The following ERI3 variants were observed in gnomAD, a reference collection of about 807,000 sequenced individuals.
ERI3 encodes ERI1 exoribonuclease family member 3.
ERI3 carries 18 observed loss-of-function variants against 44.4 expected under a neutral mutation model. That is an observed-to-expected ratio of 0.41 (90% CI 0.28 to 0.60). The LOEUF is 0.60. Among genes scored for constraint, ERI3 ranks in the 20% least tolerant of loss-of-function variants. ERI3 has a pLI of 0.36. For missense variants in ERI3, 294 were observed against 435.5 expected, an observed-to-expected ratio of 0.68 and a Z score of 2.89; for synonymous variants, 183 against 164.8, an observed-to-expected ratio of 1.11 and a Z score of -0.84.
intron 8 of ERI3, among the ~76,000 whole-genome samples, chr1:44,229,478 C>G (rs1042290002): frequency 2.0e-5 from 3 of 152,166 alleles, no homozygotes; most frequent in Admixed American, 2.0e-4. Flanking sequence ...CATCAAGGAC[C>G]CCAGCCGCTG....
chr1:44,329,656 A>G (rs1376295577), intron 3 of ERI3, among the ~76,000 whole-genome samples: 1 of 152,152 alleles, frequency 6.6e-6, no homozygotes, highest in Non-Finnish European at 1.5e-5. Flanking sequence ...CTATCTACCT[A>G]ACCATCACTA....
intron 8 of ERI3, chr1:44,243,468 A>G (rs372414279): frequency 2.0e-5 from 3 of 152,334 alleles, no homozygotes; most frequent in African/African-American, 7.2e-5. Context: ...AGAGAACCCA[A>G]GTGCGTAGGG....
In ERI3 at chr1:44,241,953, G is replaced by A; in HGVS notation, c.931+5986C>T. On this transcript the variant is annotated intron_variant, in intron 8 of 8. Transcript: ENST00000372257. The surrounding 1 kb of genome is among the most constrained non-coding windows in gnomAD (Gnocchi z 5.6). ...CATTCTTCCATCTATGGTTGCTACT[G>A]AAGAACAGTCTGGTGTCTGGCAAGA... 1.0e-6 allele frequency: 1 copy of A among 985,696 alleles called. No individual in the cohort carries two copies. The highest frequency in any genetic ancestry group is 1.2e-6 in the Non-Finnish European group (1 of 829,974). The allele number at this position is 985,696 out of a possible 1,614,324, so 61.1% of individuals were successfully genotyped here.
intron 2 of ERI3, among the ~76,000 whole-genome samples, chr1:44,342,824 T>TATATATATATATATATATATATATAA (rs1646686974): frequency 9.5e-4 from 14 of 14,796 alleles, no homozygotes; most frequent in African/African-American, 4.0e-3. Flanking sequence ...TATATATATA[T>TATATATATATATATATATATATATAA]ATATATATAT....
chr1:44,340,760 C>T (rs1041981643), intron 2 of ERI3, among the ~76,000 whole-genome samples: 2 of 152,204 alleles, frequency 1.3e-5, no homozygotes, highest in Non-Finnish European at 2.9e-5. Flanking sequence ...ATGGATCCTG[C>T]ACAAGCACAG....
At chr1:44,258,032 C>A (rs567779713) in intron 7 of ERI3, among the ~76,000 whole-genome samples, 5 of 152,300 alleles carry the variant, frequency 3.3e-5, no homozygotes, top group South Asian at 4.1e-4. Context: ...CTCCCACCCC[C>A]CTTCCTGATA....
intron 3 of ERI3, among the ~76,000 whole-genome samples, chr1:44,325,062 A>AT (rs1159397476): frequency 6.9e-6 from 1 of 145,492 alleles, no homozygotes; most frequent in African/African-American, 2.5e-5. Flanking sequence ...TGGAGCAGAG[A>AT]TTTTAAACAC....
At chr1:44,266,181 G>A (rs1183574903) in intron 7 of ERI3, among the ~76,000 whole-genome samples, 1 of 152,216 alleles carries the variant, frequency 6.6e-6, no homozygotes, top group African/African-American at 2.4e-5. Context: ...CTTGATGTAG[G>A]TGTGTGAAGA....
chr1:44,237,552 G>T (rs1644333012), intron 8 of ERI3, among the ~76,000 whole-genome samples: 1 of 152,148 alleles, frequency 6.6e-6, no homozygotes, highest in Admixed American at 6.5e-5. Context: ...AACCTTGAAG[G>T]CATGAGCCTT....
chr1:44,328,942 T>C (rs1281509469), intron 3 of ERI3, among the ~76,000 whole-genome samples: 2 of 152,206 alleles, frequency 1.3e-5, no homozygotes, highest in South Asian at 2.1e-4. Context: ...AAAACAGGCC[T>C]GTCACATCCA....
intron 7 of ERI3, among the ~76,000 whole-genome samples, chr1:44,267,266 T>C (rs1645007962): frequency 6.6e-6 from 1 of 152,156 alleles, no homozygotes; most frequent in Admixed American, 6.5e-5. Flanking sequence ...CTGGGGCTTA[T>C]TTCCTAAGCA....
chr1:44,351,633 ACTAAT>A (rs753719951), intron 2 of ERI3, among the ~76,000 whole-genome samples: 1 of 152,182 alleles, frequency 6.6e-6, no homozygotes, highest in Non-Finnish European at 1.5e-5. Context: ...TTTGCAGAGC[ACTAAT>A]CTAATCTTTT....
intron 8 of ERI3, among the ~76,000 whole-genome samples, chr1:44,239,596 G>A (rs2154317236): frequency 6.6e-6 from 1 of 152,346 alleles, no homozygotes; most frequent in Admixed American, 6.5e-5. Context: ...CTGCCCTGGG[G>A]CTCAGCTGGC....
intron 6 of ERI3, among the ~76,000 whole-genome samples, chr1:44,300,880 G>C (rs1398025034): frequency 2.0e-5 from 3 of 152,190 alleles, no homozygotes; most frequent in Non-Finnish European, 4.4e-5. Flanking sequence ...CACTCCATCT[G>C]AGCGTGGCAG....
At chr1:44,346,170 G>A (rs537016750) in intron 2 of ERI3, among the ~76,000 whole-genome samples, 18 of 152,356 alleles carry the variant, frequency 1.2e-4, no homozygotes, top group African/African-American at 3.8e-4. Context: ...GCCTTGGCCT[G>A]TAGCTACAGC....
At position 44,355,142 on chromosome 1, in the gene ERI3, G is replaced by T. The variant is rs1451706257; in HGVS notation, c.-116C>A. 6.5e-6 allele frequency: 8 copies of T among 1,221,696 alleles called. No individual in the cohort carries two copies. The highest frequency in any genetic ancestry group is 8.2e-6 in the Non-Finnish European group (8 of 977,808). The allele number at this position is 1,221,696 out of a possible 1,614,324, so 75.7% of individuals were successfully genotyped here. ...GTTGGCGGCGGCGGGCGCGGCCCGCGCCGACTGCGGCGCCGGCCAGGCAGA... is the reference window on the plus strand; with the variant it reads ...GTTGGCGGCGGCGGGCGCGGCCCGCTCCGACTGCGGCGCCGGCCAGGCAGA... On this transcript the variant is annotated 5_prime_UTR_variant, in exon 1 of 9. Coordinates refer to ENST00000372257, the MANE Select transcript of ERI3 (RefSeq NM_024066.3).
chr1:44,260,013 T>C (rs1291047803), intron 7 of ERI3, among the ~76,000 whole-genome samples: 3 of 151,916 alleles, frequency 2.0e-5, no homozygotes, highest in Non-Finnish European at 2.9e-5. Context: ...GAAAAACTAA[T>C]AGAGAACCAA....
At chr1:44,307,104 T>G (rs1322500622) in intron 6 of ERI3, among the ~76,000 whole-genome samples, 1 of 152,196 alleles carries the variant, frequency 6.6e-6, no homozygotes, top group African/African-American at 2.4e-5. Context: ...ATGGAGACCC[T>G]CTGGAGTAAA....
chr1:44,322,827 G>A, intron 3 of ERI3: 1 of 1,549,914 alleles, frequency 6.5e-7, no homozygotes, highest in South Asian at 1.2e-5. Context: ...GCACCAAGTT[G>A]GCACAACTCT....
Sources: allele counts gnomAD v4.1 joint callset (sites outside exome capture counted in the v4.1 genomes callset), GRCh38; gene constraint gnomAD v4.1.1; non-coding constraint Gnocchi (gnomAD v3.1); transcripts MANE v1.5; gene names NCBI Gene and HGNC (gene_info 2026-07-23, HGNC 2026-07-21).